CFAP92: variants seen among roughly 807,000 people sequenced by gnomAD.
CFAP92 encodes the protein uncharacterized protein CFAP92.
CFAP92 carries 86 observed loss-of-function variants against 106.3 expected under a neutral mutation model. The observed-to-expected ratio is 0.81, with a 90% CI of 0.68 to 0.97. CFAP92 has a LOEUF of 0.97. CFAP92 is among the 50% of genes least tolerant of loss of function. The pLI is 0.00. For synonymous variants in CFAP92, 477 were observed against 506.4 expected, an observed-to-expected ratio of 0.94 and a Z score of 0.78; for missense variants, 1,204 against 1,283.8, an observed-to-expected ratio of 0.94 and a Z score of 0.95.
upstream of CFAP92, chr3:129,003,429 G>C (rs1463658785): frequency 5.7e-6 from 2 of 353,692 alleles, no homozygotes; most frequent in Admixed American, 1.3e-4. Context: ...GGGAGTCTAG[G>C]AGATGAGGAA....
chr3:128,942,079 C>T (rs778840396), intron 10 of CFAP92, among the ~76,000 whole-genome samples: 3 of 152,206 alleles, frequency 2.0e-5, no homozygotes, highest in Non-Finnish European at 4.4e-5. Context: ...CAAGACCGCC[C>T]TTACTTCTGA....
chr3:128,981,622 C>A (rs1943542705), intron 4 of CFAP92, among the ~76,000 whole-genome samples: 2 of 152,328 alleles, frequency 1.3e-5, no homozygotes, highest in African/African-American at 4.8e-5. Flanking sequence ...TGAGCCACCG[C>A]ACCTGGACTT....
At chr3:128,941,440 C>A (rs1258412037) in intron 10 of CFAP92, among the ~76,000 whole-genome samples, 1 of 152,004 alleles carries the variant, frequency 6.6e-6, no homozygotes, top group Non-Finnish European at 1.5e-5. Context: ...TATACATTTT[C>A]TTCTGACTAA....
intron 12 of CFAP92, among the ~76,000 whole-genome samples, chr3:128,918,648 G>A (rs1001542674): frequency 2.0e-5 from 3 of 152,312 alleles, no homozygotes; most frequent in African/African-American, 7.2e-5. Context: ...CTATAAAAGG[G>A]ATGGTGGAGT....
At chr3:128,956,196 TAAA>T (rs577724635) in intron 9 of CFAP92, among the ~76,000 whole-genome samples, 646 of 61,700 alleles carry the variant, frequency 0.01, 20 homozygotes, top group African/African-American at 0.053. Flanking sequence ...AAAAAAAAAA[TAAA>T]AAAAAAATAA....
chr3:128,929,574 T>G (rs1365229854), intron 12 of CFAP92, among the ~76,000 whole-genome samples: 2 of 152,196 alleles, frequency 1.3e-5, no homozygotes, highest in Admixed American at 1.3e-4. Context: ...TTCAATGGAA[T>G]AATATTTAGC....
intron 12 of CFAP92, 56 bp from the exon 13 acceptor site, chr3:128,916,327 C>A: frequency 1.8e-6 from 2 of 1,137,844 alleles, no homozygotes; most frequent in Non-Finnish European, 2.2e-6. Flanking sequence ...CCCCCCATGC[C>A]AGCTCATATG....
intron 15 of CFAP92, chr3:128,912,745 CGCCTG>C: frequency 1.2e-6 from 1 of 855,404 alleles, no homozygotes; most frequent in East Asian, 2.5e-5. Flanking sequence ...GAAGGGTTGT[CGCCTG>C]GCCTGGGAGA....
chr3:128,965,489 C>G, intron 9 of CFAP92, 22 bp downstream of exon 9: 1 of 398,958 alleles, frequency 2.5e-6, no homozygotes, highest in Non-Finnish European at 4.4e-6. Flanking sequence ...CTCTAAACTC[C>G]ATGGGTCCGG....
intron 12 of CFAP92, among the ~76,000 whole-genome samples, chr3:128,930,446 G>C (rs983128380): frequency 1.3e-5 from 2 of 151,976 alleles, no homozygotes; most frequent in African/African-American, 4.8e-5. Context: ...TACTGTGCCT[G>C]GCCCTGCAAA....
At chr3:128,913,659 C>T (rs1576367325) in intron 15 of CFAP92, among the ~76,000 whole-genome samples, 1 of 152,238 alleles carries the variant, frequency 6.6e-6, no homozygotes, top group African/African-American at 2.4e-5. Flanking sequence ...AAGGAGGAGA[C>T]TGGGAACTTG....
intron 7 of CFAP92, among the ~76,000 whole-genome samples, chr3:128,974,628 C>T (rs1237434437): frequency 6.6e-6 from 1 of 151,724 alleles, no homozygotes; most frequent in Non-Finnish European, 1.5e-5. Flanking sequence ...CAAGACCAGC[C>T]TGACCAACAT....
At chr3:128,913,891 T>C (rs1936599613) in intron 15 of CFAP92, among the ~76,000 whole-genome samples, 1 of 152,116 alleles carries the variant, frequency 6.6e-6, no homozygotes, top group South Asian at 2.1e-4. Context: ...CAGGAGAAGT[T>C]TGGGGAGGGG....
At chr3:128,962,869 A>T (rs990987358) in intron 9 of CFAP92, among the ~76,000 whole-genome samples, 2 of 152,208 alleles carry the variant, frequency 1.3e-5, no homozygotes, top group African/African-American at 4.8e-5. Flanking sequence ...TGTTTTGCCT[A>T]TCCACCCCGT....
At chr3:128,931,363 G>A (rs1219382219) in intron 12 of CFAP92, among the ~76,000 whole-genome samples, 1 of 151,710 alleles carries the variant, frequency 6.6e-6, no homozygotes. Flanking sequence ...AGACGGTTTC[G>A]CCATGTTGCC....
intron 1 of CFAP92, 63 bp downstream of exon 1, chr3:128,993,917 C>A: frequency 1.0e-6 from 1 of 979,852 alleles, no homozygotes; most frequent in Middle Eastern, 5.3e-4. Flanking sequence ...CGGGAAGAGT[C>A]CCGGGCTGCG....
rs1191058638 is a variant in CFAP92 at position 128,966,983 on chromosome 3, G to C, written c.1169-1288C>G. The C allele has an allele frequency of 2.0e-5, 3 of 152,178 alleles. 1 individual carries two copies. The highest frequency in any genetic ancestry group is 4.4e-5 in the Non-Finnish European group (3 of 68,030). The allele number at this position is 152,178 out of a possible 1,614,324, so 9.4% of individuals were successfully genotyped here. On this transcript the variant is annotated intron_variant, in intron 8 of 15. Transcript: ENST00000645291. ...AAATCACCTCAAGTTTTGGAGGCAGGATTGACCTGGGTTTGAATCCCAGAT... is the reference window on the plus strand; with the variant it reads ...AAATCACCTCAAGTTTTGGAGGCAGCATTGACCTGGGTTTGAATCCCAGAT...
At chr3:128,929,751 G>T (rs1039792982) in intron 12 of CFAP92, among the ~76,000 whole-genome samples, 4 of 152,176 alleles carry the variant, frequency 2.6e-5, no homozygotes, top group Non-Finnish European at 5.9e-5. Context: ...TAGATCAGTG[G>T]TTATGTGGGA....
chr3:128,947,802 A>G (rs2107733212), intron 9 of CFAP92, among the ~76,000 whole-genome samples: 1 of 152,294 alleles, frequency 6.6e-6, no homozygotes, highest in African/African-American at 2.4e-5. Context: ...GCACCACTGC[A>G]CACCAACCTG....
Sources: gnomAD v4.1 joint callset for allele counts (sites outside exome capture counted in the v4.1 genomes callset) on GRCh38, gnomAD v4.1.1 for gene constraint, MANE v1.5 for transcripts, NCBI Gene and HGNC (gene_info 2026-07-23, HGNC 2026-07-21) for gene names.